Variants in SHANK2 observed in about 807,000 individuals in gnomAD.
The protein encoded by SHANK2 is SH3 and multiple ankyrin repeat domains 2.
Under a neutral mutation model 133.7 loss-of-function variants are expected in SHANK2, and 43 were observed. The observed-to-expected ratio is 0.32, with a 90% CI of 0.25 to 0.41. The LOEUF is 0.41. Among genes scored for constraint, SHANK2 ranks in the 10% least tolerant of loss-of-function variants. The probability of loss-of-function intolerance (pLI) is 1.00; values close to 1 mark genes in which losing one functional copy is unlikely to be tolerated. For synonymous variants in SHANK2, 1,017 were observed against 952.8 expected (o/e 1.07, Z -1.24); for missense variants, 1,994 against 2,235.8 (o/e 0.89, Z 2.18).
At chr11:70,528,504 G>T (rs1591539805) in intron 17 of SHANK2, among the ~76,000 whole-genome samples, 1 of 152,108 alleles carries the variant, frequency 6.6e-6, no homozygotes, top group African/African-American at 2.4e-5. Flanking sequence ...CGTTTACTGC[G>T]CAGTGTTCAA....
intron 13 of SHANK2, among the ~76,000 whole-genome samples, chr11:70,803,152 A>T (rs1948086038): frequency 6.6e-6 from 1 of 151,906 alleles, no homozygotes; most frequent in African/African-American, 2.4e-5. Context: ...CATGGTGGTG[A>T]GAGCGTGGGA....
At chr11:71,118,750 A>T in intron 4 of SHANK2, 79 bp downstream of exon 4, 1 of 1,257,580 alleles carries the variant, frequency 8.0e-7, no homozygotes. Flanking sequence ...GTCTCGCCCC[A>T]CCACCATGTC....
chr11:70,945,766 G>A lies in SHANK2; in HGVS notation c.1108-49199C>T, dbSNP rs191513894. Among the ~76,000 whole-genome samples, 662 of 152,272 alleles carry A rather than the reference G, an allele frequency of 4.3e-3. 2 individuals carry two copies. Among genetic ancestry groups the A allele is most frequent in the Non-Finnish European group, 6.6e-3 (448 of 68,012 alleles). ...TACCACCAAAGCTGCAGGTGCCTGG[G>A]GATGCAGCACCCCTGAGTGGGAGGT... On this transcript the variant is annotated intron_variant, in intron 10 of 25. Transcript: ENST00000601538.
rs1591053875 is a variant in SHANK2, at chr11:71,252,163, C to A, written c.-113+262G>T. On this transcript the variant is annotated intron_variant, in intron 1 of 25. Transcript: ENST00000601538. This position sits in a 1 kb window ranked among gnomAD's most constrained non-coding sequence, Gnocchi z 6.3. ...GCCCCCACGCCGCTTCCAAAGCTTT[C>A]GACACCGGCCCCTGCCCGGGAAGAA... is the stretch of plus-strand genomic sequence containing the variant. 6.6e-6 allele frequency among the ~76,000 whole-genome samples: 1 copy of A among 152,166 alleles called. No individual in the cohort carries two copies. The highest frequency in any genetic ancestry group is 1.5e-5 in the Non-Finnish European group (1 of 68,014).
At chr11:70,605,592 T>C (rs1330430556) in intron 17 of SHANK2, among the ~76,000 whole-genome samples, 2 of 152,254 alleles carry the variant, frequency 1.3e-5, no homozygotes, top group Non-Finnish European at 2.9e-5. Flanking sequence ...TCCACTCTAC[T>C]GACCGCTCAG....
At chr11:71,180,115 C>T (rs7124405) in intron 2 of SHANK2, among the ~76,000 whole-genome samples, 61,517 of 152,006 alleles carry the variant, frequency 0.4, 12,790 homozygotes, top group South Asian at 0.51. Flanking sequence ...CTGAATTTCC[C>T]GGGGACAAAT....
At chr11:70,939,937 G>T (rs540695322) in intron 10 of SHANK2, among the ~76,000 whole-genome samples, 1 of 152,226 alleles carries the variant, frequency 6.6e-6, no homozygotes, top group East Asian at 1.9e-4. Flanking sequence ...GTGATTTGAC[G>T]CAGAAGAGAA....
intron 17 of SHANK2, among the ~76,000 whole-genome samples, chr11:70,612,098 G>T (rs2060666594): frequency 6.6e-6 from 1 of 152,200 alleles, no homozygotes; most frequent in South Asian, 2.1e-4. Context: ...GCTGGATGGG[G>T]TGGTGGGGAA....
At chr11:71,083,695 C>A (rs1290375363) in intron 8 of SHANK2, among the ~76,000 whole-genome samples, 1 of 152,144 alleles carries the variant, frequency 6.6e-6, no homozygotes, top group East Asian at 1.9e-4. Flanking sequence ...GGGTCTGGAT[C>A]CCTCACCAAG....
chr11:70,890,965 CAAA>C (rs113710731), intron 11 of SHANK2, among the ~76,000 whole-genome samples: 2 of 121,780 alleles, frequency 1.6e-5, no homozygotes. Context: ...GACTCCGCCT[CAAA>C]AAAAAAAAAA....
At chr11:70,609,164 A>C (rs1250578113) in intron 17 of SHANK2, among the ~76,000 whole-genome samples, 1 of 152,206 alleles carries the variant, frequency 6.6e-6, no homozygotes, top group African/African-American at 2.4e-5. Flanking sequence ...CACCTCTCAA[A>C]GCCCTGCTCG....
intron 3 of SHANK2, among the ~76,000 whole-genome samples, chr11:71,138,063 T>C (rs1555105113): frequency 6.8e-6 from 1 of 146,560 alleles, no homozygotes; most frequent in Non-Finnish European, 1.5e-5. Flanking sequence ...TCTCTCACAA[T>C]GGGTGGGCGC....
chr11:70,898,274 ACACACACG>A (rs1454638077), intron 10 of SHANK2, among the ~76,000 whole-genome samples: 1 of 81,310 alleles, frequency 1.2e-5, no homozygotes, highest in African/African-American at 4.5e-5. Context: ...CCAAATATAT[ACACACACG>A]CACACACACA....
chr11:70,705,162 T>A (rs1555024624), intron 14 of SHANK2: 1 of 152,152 alleles, frequency 6.6e-6, no homozygotes, highest in Non-Finnish European at 1.5e-5. Context: ...TTATTTTTTA[T>A]TTTTTTAAGG....
At chr11:70,736,486 C>T (rs576436099) in intron 14 of SHANK2, among the ~76,000 whole-genome samples, 2 of 152,196 alleles carry the variant, frequency 1.3e-5, no homozygotes, top group South Asian at 2.1e-4. Flanking sequence ...GAAGAGAAGA[C>T]ACAGACACAG....
At chr11:70,948,783 C>T (rs1265270450) in intron 10 of SHANK2, among the ~76,000 whole-genome samples, 3 of 152,106 alleles carry the variant, frequency 2.0e-5, no homozygotes, top group South Asian at 2.1e-4. Flanking sequence ...GGTGTGGCCA[C>T]GTTTCCTAAT....
In SHANK2 at chr11:70,472,519, G is replaced by T; in HGVS notation, c.*350C>A. 2.7e-6 allele frequency: 1 copy of T among 375,080 alleles called. No individual in the cohort carries two copies. Among genetic ancestry groups the T allele is most frequent in the South Asian group, 2.2e-5 (1 of 44,716 alleles). The allele number at this position is 375,080 out of a possible 1,614,324, so 23.2% of individuals were successfully genotyped here. On this transcript the variant is annotated 3_prime_UTR_variant, in exon 26 of 26. Transcript: ENST00000601538. This position sits in a 1 kb window ranked among gnomAD's most constrained non-coding sequence, Gnocchi z 4.4. ...AGGTATCTAGAGTGCACTGGTGTCT[G>T]CCTACAAGAGCTAGGATCCCGTGCA...
chr11:70,573,986 T>C (rs11599996), intron 17 of SHANK2, among the ~76,000 whole-genome samples: 23,731 of 152,112 alleles, frequency 0.16, 2,025 homozygotes, highest in East Asian at 0.34. Context: ...CCAAGACCCA[T>C]GCACCTGGCC....
At chr11:71,241,449 C>A (rs1208665382) in intron 1 of SHANK2, among the ~76,000 whole-genome samples, 1 of 152,292 alleles carries the variant, frequency 6.6e-6, no homozygotes, top group South Asian at 2.1e-4. Flanking sequence ...CAAACAAACA[C>A]GTACCTTCGC....
Sources: allele counts gnomAD v4.1 joint callset (sites outside exome capture counted in the v4.1 genomes callset), GRCh38; gene constraint gnomAD v4.1.1; non-coding constraint Gnocchi (gnomAD v3.1); transcripts MANE v1.5; gene names NCBI Gene and HGNC (gene_info 2026-07-23, HGNC 2026-07-21).